Variants in AGAP2 observed in about 807,000 individuals in gnomAD.
The protein encoded by AGAP2 is arf-GAP with GTPase, ANK repeat and PH domain-containing protein 2.
AGAP2 carries 32 observed loss-of-function variants against 110.9 expected under a neutral mutation model. The observed-to-expected ratio is 0.29, with a 90% confidence interval of 0.22 to 0.39. The LOEUF is 0.39. Ranked by LOEUF, AGAP2 falls within the 10% of genes least tolerant of loss-of-function variation. The pLI is 1.00. For missense variants in AGAP2, 1,285 were observed against 1,638.5 expected (o/e 0.78, Z 3.72); for synonymous variants, 702 against 713.0 (o/e 0.98, Z 0.25).
intron 13 of AGAP2, 23 bp from the exon 14 acceptor site, chr12:57,728,400 A>G: frequency 6.2e-7 from 1 of 1,612,528 alleles, no homozygotes; most frequent in East Asian, 2.2e-5. Flanking sequence ...AGCGAAGGAG[A>G]TAGAGATAGA....
At chr12:57,733,488 G>A (rs1353501053) in intron 5 of AGAP2, among the ~76,000 whole-genome samples, 1 of 150,638 alleles carries the variant, frequency 6.6e-6, no homozygotes, top group Non-Finnish European at 1.5e-5. Context: ...CTCGACACAG[G>A]GGAGTGCTGG....
At position 57,731,341 on chromosome 12, in the gene AGAP2, A is replaced by G. The variant is rs763629253; in HGVS notation, c.2145+25T>C. ...CTTGAGGGAAATCCAAAGCTGGCCA[A>G]TGTGGCCCAGTCTCTGCCACTCACG... is the stretch of plus-strand genomic sequence containing the variant. On this transcript the variant is annotated intron_variant, in intron 10 of 18. Coordinates refer to ENST00000547588, the MANE Select transcript of AGAP2 (RefSeq NM_001122772.3). The G allele has an allele frequency of 3.8e-6, 6 of 1,582,750 alleles. No individual in the cohort carries two copies. In the East Asian group the frequency reaches 1.3e-4, roughly 35 times the overall value.
chr12:57,728,725 G>A (rs1241574935), intron 13 of AGAP2, among the ~76,000 whole-genome samples: 1 of 152,158 alleles, frequency 6.6e-6, no homozygotes, highest in Admixed American at 6.5e-5. Flanking sequence ...GAACACGGGG[G>A]AAGGGGACAG....
intron 16 of AGAP2, 44 bp downstream of exon 16, chr12:57,727,636 CA>C (rs1565790659): frequency 2.5e-6 from 4 of 1,590,560 alleles, no homozygotes; most frequent in Non-Finnish European, 2.6e-6. Context: ...GGCACCCCGG[CA>C]TTCACTACAC....
At chr12:57,736,969 G>T in intron 1 of AGAP2, 110 bp downstream of exon 1, 1 of 1,435,730 alleles carries the variant, frequency 7.0e-7, no homozygotes, top group Non-Finnish European at 9.1e-7. Flanking sequence ...TGGTTCATCC[G>T]CCCACCCCAG....
chr12:57,735,841 G>A (rs1222543119), intron 1 of AGAP2, among the ~76,000 whole-genome samples: 2 of 152,190 alleles, frequency 1.3e-5, no homozygotes, highest in Non-Finnish European at 2.9e-5. Context: ...CTGAAACACA[G>A]AAGAGAGTGT....
At position 57,730,571 on chromosome 12, in the gene AGAP2, G is replaced by A; in HGVS notation, c.2352C>T (p.Ser784=). 1.9e-6 allele frequency: 3 copies of A among 1,614,192 alleles called. No homozygotes were observed. The highest frequency in any genetic ancestry group is 2.5e-6 in the Non-Finnish European group (3 of 1,180,044). ...PMPSPSPSPS[S]LQPPPDQTSK... ...ATGTCTGATCTGGTGGTGGCTGCAG[G>A]GAACTGGGGCTGGGGCTAGGGCTTG... Residue 784 remains serine (S), a synonymous_variant, in exon 12 of 19, where the codon TCC becomes TCT. Transcript: ENST00000547588.
intron 5 of AGAP2, among the ~76,000 whole-genome samples, chr12:57,733,480 C>T (rs951508650): frequency 2.6e-5 from 4 of 152,070 alleles, no homozygotes; most frequent in African/African-American, 7.3e-5. Flanking sequence ...CCCACCAGCT[C>T]GACACAGGGG....
chr12:57,736,576 A>G (rs1023972530), intron 1 of AGAP2, among the ~76,000 whole-genome samples: 2 of 152,192 alleles, frequency 1.3e-5, no homozygotes, highest in African/African-American at 4.8e-5. Flanking sequence ...CCTTCACCGC[A>G]CGAAAAACAT....
chr12:57,725,752 C>G lies in AGAP2; in HGVS notation c.*800G>C, dbSNP rs1221580528. The G allele has an allele frequency of 6.7e-6, 1 of 150,250 alleles. No homozygotes were observed. The highest frequency in any genetic ancestry group is 2.0e-4 in the East Asian group (1 of 5,056). 9.3% of individuals were successfully genotyped at this position (150,250 alleles called of 1,614,324 possible). On this transcript the variant is annotated 3_prime_UTR_variant, in exon 19 of 19. Coordinates refer to ENST00000547588, the MANE Select transcript of AGAP2 (RefSeq NM_001122772.3). ...CCTACCCCAAAACGCCCTCCCCACGCCCCTGCCCGCCCCCATCCCCATGTT... is the reference window on the plus strand; with the variant it reads ...CCTACCCCAAAACGCCCTCCCCACGGCCCTGCCCGCCCCCATCCCCATGTT...
chr12:57,733,377 G>T (rs940721244), intron 5 of AGAP2, among the ~76,000 whole-genome samples: 1 of 152,194 alleles, frequency 6.6e-6, no homozygotes, highest in East Asian at 1.9e-4. Context: ...GGTGCCCATG[G>T]GTCATGGCTG....
At chr12:57,729,106 G>A (rs1317495441) in intron 13 of AGAP2, among the ~76,000 whole-genome samples, 1 of 149,538 alleles carries the variant, frequency 6.7e-6, no homozygotes, top group African/African-American at 2.5e-5. Context: ...AACCCGGGAG[G>A]CAGAGCTTGC....
upstream of AGAP2, among the ~76,000 whole-genome samples, chr12:57,738,824 A>G (rs1444638647): frequency 1.4e-5 from 1 of 70,956 alleles, no homozygotes; most frequent in Non-Finnish European, 2.8e-5. This position sits in a 1 kb window ranked among gnomAD's most constrained non-coding sequence, Gnocchi z 6.7. Context: ...GGGAGGAAAG[A>G]GGGAACGGGA....
chr12:57,725,625 A>C lies in AGAP2; in HGVS notation c.*927T>G, dbSNP rs1954747778. On this transcript the variant is annotated 3_prime_UTR_variant, in exon 19 of 19. Coordinates refer to ENST00000547588, the MANE Select transcript of AGAP2 (RefSeq NM_001122772.3). ...ACTGTAGGGGTGCCCCCTACCCCAG[A>C]TCACCACGGGCGCTGCACAGTCACA... 1 of 152,152 alleles carries C rather than the reference A, an allele frequency of 6.6e-6. No homozygotes were observed. Among genetic ancestry groups the C allele is most frequent in the African/African-American group, 2.4e-5 (1 of 41,376 alleles). The allele number at this position is 152,152 out of a possible 1,614,324, so 9.4% of individuals were successfully genotyped here.
Position 57,737,607 on chromosome 12 carries a change from C to T in AGAP2, c.640G>A (p.Glu214Lys). The T allele has an allele frequency of 4.5e-6, 7 of 1,547,788 alleles. No homozygotes were observed. Among genetic ancestry groups the T allele is most frequent in the Non-Finnish European group, 6.1e-6 (7 of 1,146,794 alleles). ...KGAGSRLSWP[E>K]SEGKPRVKGS... The stretch of plus-strand genomic sequence containing the variant: ...TTGACCCTGGGCTTGCCCTCGCTTT[C>T]GGGCCATGACAGGCGGCTACCCGCG... Residue 214 changes from glutamate to lysine, a missense_variant, in exon 1 of 19, where the codon GAA becomes AAA. By Grantham distance (56) the Glu-to-Lys change is moderately conservative. Transcript: ENST00000547588. This position sits in a 1 kb window ranked among gnomAD's most constrained non-coding sequence, Gnocchi z 5.9.
Position 57,737,663 on chromosome 12 carries a change from G to C in AGAP2, c.584C>G (p.Thr195Arg), listed in dbSNP as rs1955013310. ...GCCCCCGCCGGCTTTGGCTCCACTC[G>C]TGGTCACGGTCTTGCAAGGCTTGGG... ...PAPKPCKTVT[T>R]SGAKAGGGKG... The change falls in exon 1 of 19, where the codon ACG (threonine) becomes AGG (arginine). Residue 195 changes from threonine (T) to arginine (R), a missense_variant. Around this residue, in one of 7 missense-constraint regions of AGAP2, gnomAD observed 844 missense variants for 941.2 expected, o/e 0.90. Coordinates refer to ENST00000547588, the MANE Select transcript of AGAP2 (RefSeq NM_001122772.3). This position sits in a 1 kb window ranked among gnomAD's most constrained non-coding sequence, Gnocchi z 5.9. The C allele has an allele frequency of 6.5e-7, 1 of 1,548,258 alleles. No homozygotes were observed. Among genetic ancestry groups the C allele is most frequent in the Admixed American group, 2.0e-5 (1 of 51,160 alleles).
At chr12:57,736,728 C>T (rs2140366327) in intron 1 of AGAP2, among the ~76,000 whole-genome samples, 1 of 152,296 alleles carries the variant, frequency 6.6e-6, no homozygotes, top group African/African-American at 2.4e-5. Context: ...GCTCTAAACA[C>T]GGCAAAGCCC....
chr12:57,741,917 A>G (rs1465292583), upstream of AGAP2: 3 of 1,613,342 alleles, frequency 1.9e-6, no homozygotes, highest in Non-Finnish European at 2.5e-6. Context: ...CTTACCTCGA[A>G]TGCTGTCCAA....
Position 57,725,892 on chromosome 12 carries a change from G to T in AGAP2, c.*660C>A, listed in dbSNP as rs1954753386. On this transcript the variant is annotated 3_prime_UTR_variant, in exon 19 of 19. Coordinates refer to ENST00000547588, the MANE Select transcript of AGAP2 (RefSeq NM_001122772.3). ...GGGACCCAGGCTCTTGGTTCCCCCC[G>T]GACTCTTTAGCTTCCACCCATGGGT... 2.0e-5 allele frequency: 3 copies of T among 151,766 alleles called. No individual in the cohort carries two copies. The highest frequency in any genetic ancestry group is 6.6e-5 in the Admixed American group (1 of 15,254). The allele number at this position is 151,766 out of a possible 1,614,324, so 9.4% of individuals were successfully genotyped here.
Sources: allele counts gnomAD v4.1 joint callset (sites outside exome capture counted in the v4.1 genomes callset), GRCh38; gene constraint gnomAD v4.1.1; regional missense constraint gnomAD v4.1.1; non-coding constraint Gnocchi (gnomAD v3.1); transcripts MANE v1.5; gene names NCBI Gene and HGNC (gene_info 2026-07-23, HGNC 2026-07-21).